The following EYA2 variants were observed in gnomAD, a reference collection of about 807,000 sequenced individuals.
The protein encoded by EYA2 is protein phosphatase EYA2.
EYA2 carries 31 observed loss-of-function variants against 69.2 expected under a neutral mutation model. That is an observed-to-expected ratio of 0.45 (90% CI 0.34 to 0.60). EYA2 has a LOEUF of 0.60. Ranked by LOEUF, EYA2 falls within the 20% of genes least tolerant of loss-of-function variation. The pLI is 0.02. For synonymous variants in EYA2, 257 were observed against 279.4 expected (o/e 0.92, Z 0.80); for missense variants, 622 against 701.2 (o/e 0.89, Z 1.28).
intron 5 of EYA2, among the ~76,000 whole-genome samples, chr20:47,046,646 A>G (rs2030054572): frequency 1.3e-5 from 2 of 152,196 alleles, no homozygotes; most frequent in African/African-American, 4.8e-5. Context: ...TATGGATTTC[A>G]TGCTAATCTG....
At position 46,919,065 on chromosome 20, in the gene EYA2, G is replaced by A. The variant is rs147155084; in HGVS notation, c.-11+24078G>A. Among the ~76,000 whole-genome samples the A allele has an allele frequency of 2.0e-5, 3 of 152,320 alleles. No individual in the cohort carries two copies. The East Asian group carries it at 5.8e-4, about 29-fold the overall frequency. On this transcript the variant is annotated intron_variant, in intron 1 of 15. Coordinates refer to ENST00000327619, the MANE Select transcript of EYA2 (RefSeq NM_005244.5). ...CAGGTCTCAACAGTGAGCCTAAAAT[G>A]TTCAGCAAACCATGCTGTAAGCAGA...
At chr20:47,146,725 A>C (rs1159014950) in intron 10 of EYA2, among the ~76,000 whole-genome samples, 4 of 152,208 alleles carry the variant, frequency 2.6e-5, no homozygotes, top group Admixed American at 6.5e-5. Context: ...AAGGCCCGGC[A>C]AAGCCAGAAG....
At chr20:46,984,446 T>A (rs917041778) in intron 1 of EYA2, among the ~76,000 whole-genome samples, 2 of 152,054 alleles carry the variant, frequency 1.3e-5, no homozygotes, top group African/African-American at 4.8e-5. Flanking sequence ...ACAGACAATT[T>A]CCAAACATTC....
At chr20:46,900,327 T>G (rs895365190) in intron 1 of EYA2, among the ~76,000 whole-genome samples, 6 of 152,194 alleles carry the variant, frequency 3.9e-5, no homozygotes, top group African/African-American at 1.4e-4. Context: ...AATCTGTCAG[T>G]TCCCCTTTCT....
intron 2 of EYA2, among the ~76,000 whole-genome samples, chr20:46,991,030 G>C (rs1981624298): frequency 6.6e-6 from 1 of 152,230 alleles, no homozygotes; most frequent in Non-Finnish European, 1.5e-5. Flanking sequence ...GCTGATGAAA[G>C]TACCACCAGT....
chr20:47,074,092 T>A (rs2031418508), intron 6 of EYA2, 66 bp from the exon 7 acceptor site: 6 of 1,454,532 alleles, frequency 4.1e-6, no homozygotes, highest in Middle Eastern at 1.8e-4. Context: ...GTGGCCAGGC[T>A]GACCAACGGC....
intron 5 of EYA2, among the ~76,000 whole-genome samples, chr20:47,018,390 A>G (rs1300686036): frequency 3.3e-5 from 5 of 152,234 alleles, no homozygotes; most frequent in Admixed American, 2.6e-4. Flanking sequence ...GCACACAAAG[A>G]CAATCTCCTC....
intron 4 of EYA2, among the ~76,000 whole-genome samples, chr20:47,014,940 A>C (rs1415316593): frequency 6.6e-6 from 1 of 152,230 alleles, no homozygotes; most frequent in African/African-American, 2.4e-5. Flanking sequence ...GAAGAACTTT[A>C]TAAGCTCATG....
chr20:47,162,797 G>T (rs1278755799), intron 10 of EYA2, among the ~76,000 whole-genome samples: 1 of 151,436 alleles, frequency 6.6e-6, no homozygotes, highest in Non-Finnish European at 1.5e-5. Flanking sequence ...AGGATTATAG[G>T]TGTGAGCCAC....
rs1283280453 is a variant in EYA2, at chr20:47,015,828, A to G, written c.299-353A>G. Among the ~76,000 whole-genome samples, 3 of 152,216 alleles carry G rather than the reference A, an allele frequency of 2.0e-5. No homozygotes were observed. In the East Asian group the frequency reaches 5.8e-4, roughly 29 times the overall value. On this transcript the variant is annotated intron_variant, in intron 4 of 15. Coordinates refer to ENST00000327619, the MANE Select transcript of EYA2 (RefSeq NM_005244.5). ...TGCAGATGGAATGGAATCTATCATG[A>G]CCTGGGAAACACCTGAATTGGGAGC...
chr20:47,180,319 C>T (rs967089490), intron 13 of EYA2, among the ~76,000 whole-genome samples: 2 of 152,182 alleles, frequency 1.3e-5, no homozygotes, highest in Non-Finnish European at 2.9e-5. Context: ...GTGTGAGCCA[C>T]CACTCCCAGC....
intron 3 of EYA2, among the ~76,000 whole-genome samples, chr20:47,002,475 C>T (rs1299101703): frequency 1.3e-5 from 2 of 152,158 alleles, no homozygotes; most frequent in Non-Finnish European, 2.9e-5. Flanking sequence ...TCTGTTCCTG[C>T]ATTAGTTTGC....
intron 5 of EYA2, among the ~76,000 whole-genome samples, chr20:47,057,814 A>AG (rs11480592): frequency 0.21 from 31,566 of 152,142 alleles, 3,618 homozygotes; most frequent in South Asian, 0.29. Context: ...GAACTAAGGC[A>AG]GGCAGTGGCC....
intron 1 of EYA2, among the ~76,000 whole-genome samples, chr20:46,980,369 G>A (rs188876200): frequency 7.9e-5 from 12 of 152,302 alleles, no homozygotes; most frequent in African/African-American, 2.4e-4. Context: ...CCAGAGACTG[G>A]CCTCTCTCCT....
intron 12 of EYA2, among the ~76,000 whole-genome samples, chr20:47,176,705 A>G (rs1568828961): frequency 1.3e-5 from 2 of 151,882 alleles, no homozygotes; most frequent in African/African-American, 4.8e-5. Context: ...ATAGAAATGT[A>G]TTTTTTTTCT....
At chr20:46,982,775 C>CTT (rs10701469) in intron 1 of EYA2, among the ~76,000 whole-genome samples, 39,298 of 137,220 alleles carry the variant, frequency 0.29, 5,770 homozygotes, top group East Asian at 0.35. Context: ...CTGTAATTTC[C>CTT]TTTTTTTTTT....
intron 7 of EYA2, 64 bp downstream of exon 7, chr20:47,074,399 C>T (rs2146477876): frequency 2.6e-6 from 4 of 1,528,910 alleles, no homozygotes; most frequent in Non-Finnish European, 3.6e-6. Flanking sequence ...GAAGGAGGGA[C>T]CCGCACATGG....
At chr20:46,940,550 G>A (rs776696071) in intron 1 of EYA2, among the ~76,000 whole-genome samples, 1 of 152,192 alleles carries the variant, frequency 6.6e-6, no homozygotes, top group Non-Finnish European at 1.5e-5. Flanking sequence ...CTATGCCACA[G>A]ATACAAAACC....
intron 10 of EYA2, among the ~76,000 whole-genome samples, chr20:47,148,286 C>T (rs1359866732): frequency 6.6e-6 from 1 of 152,032 alleles, no homozygotes; most frequent in Non-Finnish European, 1.5e-5. Context: ...AGAAAAGCCC[C>T]CACCATCTAG....
Sources: allele counts gnomAD v4.1 joint callset (sites outside exome capture counted in the v4.1 genomes callset), GRCh38; gene constraint gnomAD v4.1.1; transcripts MANE v1.5; gene names NCBI Gene and HGNC (gene_info 2026-07-23, HGNC 2026-07-21).